The following TUSC3 variants were observed in gnomAD, a reference collection of about 807,000 sequenced individuals.
The protein encoded by TUSC3 is dolichyl-diphosphooligosaccharide--protein glycosyltransferase subunit TUSC3.
Under a neutral mutation model 44.8 loss-of-function variants are expected in TUSC3, and 45 were observed. The ratio of observed to expected loss-of-function variants is 1.00; its 90% CI spans 0.79 to 1.29. The LOEUF (loss-of-function observed/expected upper bound fraction) is 1.29, where lower values mean the gene tolerates loss of function less well. Among genes scored for constraint, TUSC3 ranks in the 50% most tolerant of loss-of-function variants. TUSC3 has a pLI of 0.00. For synonymous variants in TUSC3, 212 were observed against 152.9 expected, an observed-to-expected ratio of 1.39 and a Z score of -2.85; for missense variants, 519 against 437.9, an observed-to-expected ratio of 1.19 and a Z score of -1.65.
chr8:15,561,601 G>C (rs1415651571), intron 1 of TUSC3: 1 of 155,908 alleles, frequency 6.4e-6, no homozygotes, highest in African/African-American at 2.4e-5. Context: ...CCCTCCCCCA[G>C]CCTCACTGCC....
intron 5 of TUSC3, among the ~76,000 whole-genome samples, chr8:15,665,775 A>C (rs1807629904): frequency 6.6e-6 from 1 of 151,424 alleles, no homozygotes; most frequent in Non-Finnish European, 1.5e-5. Context: ...CCTGGTTCTT[A>C]GTTTTAAAAA....
chr8:15,679,722 T>G (rs1161141177), intron 6 of TUSC3, among the ~76,000 whole-genome samples: 4 of 152,096 alleles, frequency 2.6e-5, no homozygotes, highest in African/African-American at 9.7e-5. Flanking sequence ...TTTTTATAGT[T>G]TTAGGTATTT....
the TUSC3 span, among the ~76,000 whole-genome samples, chr8:15,796,487 G>C: frequency 6.6e-6 from 1 of 152,174 alleles, no homozygotes; most frequent in East Asian, 1.9e-4. Context: ...AGTGAGAATG[G>C]CCTTGAGCTG....
intron 9 of TUSC3, among the ~76,000 whole-genome samples, chr8:15,753,329 T>C (rs983590099): frequency 2.6e-5 from 4 of 152,060 alleles, no homozygotes; most frequent in Admixed American, 6.6e-5. Context: ...CTACATTCTA[T>C]GGATATACTG....
intron 2 of TUSC3, 78 bp from the exon 3 acceptor site, chr8:15,650,619 G>C: frequency 1.6e-6 from 2 of 1,234,800 alleles, no homozygotes; most frequent in Non-Finnish European, 2.4e-6. Context: ...GCTTGTCCTA[G>C]GGTTGTCTGT....
chr8:15,608,876 A>G (rs537882650), intron 1 of TUSC3, among the ~76,000 whole-genome samples: 2 of 152,328 alleles, frequency 1.3e-5, no homozygotes, highest in South Asian at 4.1e-4. Context: ...ACTGACTAAT[A>G]CATATACCTT....
At chr8:15,835,509 T>C in the TUSC3 span, among the ~76,000 whole-genome samples, 1 of 152,214 alleles carries the variant, frequency 6.6e-6, no homozygotes, top group South Asian at 2.1e-4. Context: ...GTGGGTTTTC[T>C]AGTAATTTTA....
intron 1 of TUSC3, among the ~76,000 whole-genome samples, chr8:15,596,335 G>C (rs1393994235): frequency 6.6e-6 from 1 of 152,160 alleles, no homozygotes; most frequent in Non-Finnish European, 1.5e-5. Context: ...CCGTGTAAGA[G>C]TAGTACAGTA....
chr8:15,625,802 G>T (rs1805480833), intron 2 of TUSC3, among the ~76,000 whole-genome samples: 1 of 152,198 alleles, frequency 6.6e-6, no homozygotes, highest in South Asian at 2.1e-4. Context: ...ATGAGTGTAT[G>T]TTGGGGCATG....
At chr8:15,599,056 A>C (rs182458263) in intron 1 of TUSC3, among the ~76,000 whole-genome samples, 27 of 151,958 alleles carry the variant, frequency 1.8e-4, no homozygotes, top group African/African-American at 6.0e-4. Flanking sequence ...TTGTATTCCT[A>C]CCAGCAATGA....
chr8:15,528,039 A>G (rs1801398826), intron 2 of TUSC3, among the ~76,000 whole-genome samples: 1 of 152,164 alleles, frequency 6.6e-6, no homozygotes, highest in Non-Finnish European at 1.5e-5. Flanking sequence ...TTTCCTTATA[A>G]AGAATTTAGT....
rs2129180049 is a variant in TUSC3, at chr8:15,662,296, G to T, written c.708G>T (p.Leu236=). The T allele has an allele frequency of 6.2e-7, 1 of 1,612,452 alleles. No homozygotes were observed. The highest frequency in any genetic ancestry group is 1.7e-5 in the Admixed American group (1 of 59,900). Residue 236 remains leucine, a splice_region_variant and synonymous_variant, in exon 5 of 11, where the codon CTG becomes CTT. Transcript: ENST00000503731. ...AGACTGGTTGGGCCATGGTGTCTCTGGTATGTTAATACATTGTGCTTTTTT... is the reference window on the plus strand; with the variant it reads ...AGACTGGTTGGGCCATGGTGTCTCTTGTATGTTAATACATTGTGCTTTTTT... The part of the protein sequence containing the change: ...YNKTGWAMVS[L]CIVFAMTSGQ...
chr8:15,821,161 A>G, the TUSC3 span, among the ~76,000 whole-genome samples: 4 of 152,136 alleles, frequency 2.6e-5, no homozygotes, highest in African/African-American at 4.8e-5. Flanking sequence ...TATGATGTAT[A>G]TATAATTCTG....
chr8:15,676,020 A>G (rs1808174294), intron 6 of TUSC3, among the ~76,000 whole-genome samples: 1 of 152,138 alleles, frequency 6.6e-6, no homozygotes, highest in Non-Finnish European at 1.5e-5. Flanking sequence ...GTTGTTTTCC[A>G]TTATAATTGT....
downstream of TUSC3, among the ~76,000 whole-genome samples, chr8:15,768,972 A>G (rs767519814): frequency 6.6e-6 from 1 of 152,198 alleles, no homozygotes; most frequent in Non-Finnish European, 1.5e-5. Context: ...GATAGGACAG[A>G]TGAATATCGT....
chr8:15,643,327 A>G (rs34311473), intron 2 of TUSC3, among the ~76,000 whole-genome samples: 18,828 of 152,154 alleles, frequency 0.12, 1,621 homozygotes, highest in Non-Finnish European at 0.19. Flanking sequence ...TAAACGAACA[A>G]TGCGTTAAAT....
chr8:15,813,366 C>G, the TUSC3 span, among the ~76,000 whole-genome samples: 1 of 132,606 alleles, frequency 7.5e-6, no homozygotes, highest in Non-Finnish European at 1.6e-5. Flanking sequence ...GGTGATGTAG[C>G]ATTTCTGAAA....
At chr8:15,680,983 T>C (rs1282307648) in intron 6 of TUSC3, among the ~76,000 whole-genome samples, 3 of 152,126 alleles carry the variant, frequency 2.0e-5, no homozygotes, top group African/African-American at 7.2e-5. Context: ...TTCAATTTGC[T>C]ATAATAATAT....
intron 1 of TUSC3, among the ~76,000 whole-genome samples, chr8:15,436,582 T>C (rs565896139): frequency 5.5e-4 from 83 of 152,242 alleles, no homozygotes; most frequent in Non-Finnish European, 1.1e-3. Flanking sequence ...CCGTATGGAG[T>C]ACAGAGCATG....
Sources: gnomAD v4.1 joint callset for allele counts (sites outside exome capture counted in the v4.1 genomes callset) on GRCh38, gnomAD v4.1.1 for gene constraint, MANE v1.5 for transcripts, NCBI Gene and HGNC (gene_info 2026-07-23, HGNC 2026-07-21) for gene names.